The following MGAT4A variants were observed in gnomAD, a reference collection of about 807,000 sequenced individuals.
MGAT4A encodes the protein N-acetylglucosaminyltransferase IVa.
A neutral mutation model predicts 74.1 loss-of-function variants in MGAT4A; 33 were observed. That is an observed-to-expected ratio of 0.45 (90% CI 0.34 to 0.60). The LOEUF is 0.60. Among genes scored for constraint, MGAT4A ranks in the 20% least tolerant of loss-of-function variants. The pLI, the probability that MGAT4A is intolerant of heterozygous loss-of-function variation, is 0.02. For missense variants in MGAT4A, 479 were observed against 628.3 expected, an observed-to-expected ratio of 0.76 and a Z score of 2.54; for synonymous variants, 198 against 210.4, an observed-to-expected ratio of 0.94 and a Z score of 0.51.
chr2:98,673,043 C>T lies in MGAT4A; in HGVS notation c.403+1992G>A, dbSNP rs143225977. On this transcript the variant is annotated intron_variant, in intron 4 of 15. Coordinates refer to ENST00000393487, the MANE Select transcript of MGAT4A (RefSeq NM_012214.3). ...AGTCGCCCTTGCACCTGCTTGTAGT[C>T]GCTGGGTTTGTTTGCCGCAGCCTGC... Among the ~76,000 whole-genome samples the T allele has an allele frequency of 2.9e-3, 436 of 152,154 alleles. 2 individuals are homozygous for T. Among genetic ancestry groups the T allele is most frequent in the African/African-American group, 9.8e-3 (407 of 41,514 alleles).
intron 9 of MGAT4A, among the ~76,000 whole-genome samples, chr2:98,644,790 T>C (rs534117837): frequency 3.9e-4 from 59 of 152,202 alleles, no homozygotes; most frequent in South Asian, 3.7e-3. Context: ...TCTGCCACCA[T>C]GCCAGGCTAA....
rs1382890940 is a variant in MGAT4A, at chr2:98,620,219, T to C, written c.*5347A>G. Reference sequence around the variant, plus strand: ...TTTTAGCATTGTATGATCACATGCATTAAAGAAAGTAAGCATACTAGTTAT... The same window carrying C: ...TTTTAGCATTGTATGATCACATGCACTAAAGAAAGTAAGCATACTAGTTAT... On this transcript the variant is annotated 3_prime_UTR_variant, in exon 16 of 16. Transcript: ENST00000393487. 5 of 152,232 alleles carry C rather than the reference T, an allele frequency of 3.3e-5. No individual in the cohort carries two copies. The highest frequency in any genetic ancestry group is 2.1e-4 in the South Asian group (1 of 4,830). 9.4% of individuals were successfully genotyped at this position (152,232 alleles called of 1,614,324 possible). A position where few individuals can be genotyped will look rare whatever the true frequency, so the allele number is the denominator to read the frequency against.
At chr2:98,645,755 C>G (rs1181228845) in intron 8 of MGAT4A, among the ~76,000 whole-genome samples, 2 of 152,104 alleles carry the variant, frequency 1.3e-5, no homozygotes, top group African/African-American at 4.8e-5. Flanking sequence ...CCACTCCTTT[C>G]TATGGGAAAT....
At chr2:98,668,591 G>A (rs1285307781) in intron 4 of MGAT4A, among the ~76,000 whole-genome samples, 1 of 152,246 alleles carries the variant, frequency 6.6e-6, no homozygotes, top group African/African-American at 2.4e-5. Flanking sequence ...CCCCAGCAGA[G>A]TCCCTATTGG....
In MGAT4A at chr2:98,621,420, C is replaced by A; in HGVS notation, c.*4146G>T. 6.4e-7 allele frequency: 1 copy of A among 1,551,240 alleles called. No homozygotes were observed. Among genetic ancestry groups the A allele is most frequent in the East Asian group, 2.4e-5 (1 of 40,870 alleles). ...GCCATGTGCATTCCTTCTCATGCAG[C>A]CCCCTCTACCTTAAAACAGCAATGG... On this transcript the variant is annotated 3_prime_UTR_variant, in exon 16 of 16. Transcript: ENST00000393487.
At chr2:98,702,173 C>T (rs1458638614) in intron 2 of MGAT4A, among the ~76,000 whole-genome samples, 1 of 152,210 alleles carries the variant, frequency 6.6e-6, no homozygotes, top group South Asian at 2.1e-4. Context: ...CCAAGAGCTG[C>T]CCTCATCTGC....
intron 14 of MGAT4A, among the ~76,000 whole-genome samples, chr2:98,626,401 A>T (rs890501633): frequency 1.3e-5 from 2 of 152,206 alleles, no homozygotes; most frequent in Non-Finnish European, 2.9e-5. Flanking sequence ...TCCTATAAAA[A>T]TAAGGACCAA....
At position 98,726,350 on chromosome 2, in the gene MGAT4A, C is replaced by T; in HGVS notation, c.-18G>A. The T allele has an allele frequency of 3.1e-6, 5 of 1,604,418 alleles. No homozygotes were observed. Among genetic ancestry groups the T allele is most frequent in the Non-Finnish European group, 4.3e-6 (5 of 1,171,740 alleles). Reference sequence around the variant, plus strand: ...AGCCTCATCTCATTTCACCATCACACTGGTCCATATGTTTATGATGACAAC... The same window carrying T: ...AGCCTCATCTCATTTCACCATCACATTGGTCCATATGTTTATGATGACAAC... On this transcript the variant is annotated 5_prime_UTR_variant, in exon 2 of 16. In the 5' UTR this introduces an upstream ATG that the reference lacks. Transcript: ENST00000393487.
chr2:98,725,442 A>G (rs1045688642), intron 2 of MGAT4A, among the ~76,000 whole-genome samples: 1 of 152,198 alleles, frequency 6.6e-6, no homozygotes, highest in African/African-American at 2.4e-5. Flanking sequence ...CAATAAAACA[A>G]CATCAGCAAC....
chr2:98,663,011 A>G, intron 5 of MGAT4A, 35 bp downstream of exon 5: 3 of 1,411,244 alleles, frequency 2.1e-6, no homozygotes, highest in Non-Finnish European at 2.8e-6. Flanking sequence ...TATAGGCTAT[A>G]TTTGGTAAAA....
chr2:98,681,822 G>T (rs1435845984), intron 2 of MGAT4A, among the ~76,000 whole-genome samples: 1 of 152,028 alleles, frequency 6.6e-6, no homozygotes, highest in Non-Finnish European at 1.5e-5. Context: ...ACTCTTTAGA[G>T]AAATAACTTT....
chr2:98,695,296 C>T, intron 2 of MGAT4A: 1 of 158,614 alleles, frequency 6.3e-6, no homozygotes, highest in Admixed American at 6.4e-5. Flanking sequence ...CTTTGCCTCC[C>T]AAAGTGCTGG....
chr2:98,674,442 A>G (rs911224183), intron 4 of MGAT4A, among the ~76,000 whole-genome samples: 3 of 152,236 alleles, frequency 2.0e-5, no homozygotes, highest in Admixed American at 1.3e-4. Context: ...TTTGGTTTCA[A>G]TAAATCTGTC....
intron 14 of MGAT4A, among the ~76,000 whole-genome samples, chr2:98,627,796 T>C (rs890844589): frequency 1.3e-5 from 2 of 152,244 alleles, no homozygotes; most frequent in Admixed American, 6.5e-5. Flanking sequence ...GCTAAGCCAC[T>C]GAACTGCTGT....
chr2:98,729,095 T>C (rs1000155624), intron 1 of MGAT4A, among the ~76,000 whole-genome samples: 3 of 151,884 alleles, frequency 2.0e-5, no homozygotes, highest in African/African-American at 7.3e-5. Context: ...AAACATTCCG[T>C]AGAAATGCAT....
At chr2:98,678,806 G>C (rs562398956) in intron 2 of MGAT4A, among the ~76,000 whole-genome samples, 1 of 152,286 alleles carries the variant, frequency 6.6e-6, no homozygotes, top group African/African-American at 2.4e-5. Context: ...AACAGCATCT[G>C]TCAAAGGGTA....
At chr2:98,730,988 C>T (rs1427705118) in intron 1 of MGAT4A, 60 bp downstream of exon 1, 1 of 145,850 alleles carries the variant, frequency 6.9e-6, no homozygotes, top group Non-Finnish European at 1.5e-5. Context: ...GCCCTCCGCG[C>T]AGCCGCCCCG....
chr2:98,661,414 G>A (rs1014310401), intron 5 of MGAT4A, among the ~76,000 whole-genome samples: 2 of 152,152 alleles, frequency 1.3e-5, no homozygotes, highest in Admixed American at 1.3e-4. Context: ...TAAAACTGGT[G>A]AGAGAAGCAG....
At position 98,622,344 on chromosome 2, in the gene MGAT4A, G is replaced by C. The variant is rs1039852601; in HGVS notation, c.*3222C>G. ...GCCACTAGCTCCACATGGCCACTGA[G>C]TACTTGGAATGTCACTAGTGTGTGT... On this transcript the variant is annotated 3_prime_UTR_variant, in exon 16 of 16. Transcript: ENST00000393487. 29 of 985,322 alleles carry C rather than the reference G, an allele frequency of 2.9e-5. No individual in the cohort carries two copies. The highest frequency in any genetic ancestry group is 3.4e-5 in the Non-Finnish European group (28 of 829,948). 61.0% of individuals were successfully genotyped at this position (985,322 alleles called of 1,614,324 possible).
Sources: allele counts gnomAD v4.1 joint callset (sites outside exome capture counted in the v4.1 genomes callset), GRCh38; gene constraint gnomAD v4.1.1; transcripts MANE v1.5; gene names NCBI Gene and HGNC (gene_info 2026-07-23, HGNC 2026-07-21).